Variants in BPNT2 observed in about 807,000 individuals in gnomAD.
BPNT2 encodes the protein 3'(2'), 5'-bisphosphate nucleotidase 2.
In BPNT2, 11 loss-of-function variants were observed where a neutral mutation model predicts 29.3. The observed-to-expected ratio is 0.38, with a 90% CI of 0.24 to 0.62. The LOEUF is 0.62. BPNT2 is among the 20% of genes least tolerant of loss of function. The probability of loss-of-function intolerance (pLI) is 0.62; values close to 1 mark genes in which losing one functional copy is unlikely to be tolerated. For missense variants in BPNT2, 459 were observed against 473.4 expected (o/e 0.97, Z 0.28); for synonymous variants, 195 against 187.7 (o/e 1.04, Z -0.32).
intron 3 of BPNT2, among the ~76,000 whole-genome samples, chr8:56,975,095 T>C (rs1459551966): frequency 6.6e-6 from 1 of 152,200 alleles, no homozygotes; most frequent in Non-Finnish European, 1.5e-5. Context: ...TTTTTCCTCA[T>C]ACAAAGAATA....
At chr8:56,973,692 G>A (rs944967264) in intron 3 of BPNT2, among the ~76,000 whole-genome samples, 16 of 152,274 alleles carry the variant, frequency 1.1e-4, no homozygotes, top group African/African-American at 3.6e-4. Flanking sequence ...AGGGCTAGAC[G>A]ATGAGAAAGA....
intron 3 of BPNT2, among the ~76,000 whole-genome samples, chr8:56,977,462 T>C (rs1054986350): frequency 1.7e-4 from 26 of 152,178 alleles, no homozygotes; most frequent in African/African-American, 6.3e-4. Context: ...AACACTCTAA[T>C]TGGCTTAAGA....
intron 1 of BPNT2, among the ~76,000 whole-genome samples, chr8:56,991,913 A>G (rs1806422293): frequency 6.6e-6 from 1 of 152,184 alleles, no homozygotes. Flanking sequence ...TGATAAAAAC[A>G]GAGTAGGGAA....
At chr8:56,981,382 T>C (rs1171110993) in intron 1 of BPNT2, among the ~76,000 whole-genome samples, 1 of 152,138 alleles carries the variant, frequency 6.6e-6, no homozygotes, top group Non-Finnish European at 1.5e-5. Flanking sequence ...CTGGCCGACA[T>C]GGTAAAACCC....
intron 3 of BPNT2, among the ~76,000 whole-genome samples, chr8:56,967,501 G>A (rs1442474347): frequency 6.6e-6 from 1 of 152,166 alleles, no homozygotes; most frequent in Non-Finnish European, 1.5e-5. Flanking sequence ...GAGCTTCACA[G>A]AGGAGTTAAG....
At chr8:56,982,001 G>T (rs984594333) in intron 1 of BPNT2, among the ~76,000 whole-genome samples, 2 of 152,054 alleles carry the variant, frequency 1.3e-5, no homozygotes, top group Non-Finnish European at 2.9e-5. Flanking sequence ...ACACAGACAT[G>T]ATTTTAAAAA....
intron 3 of BPNT2, among the ~76,000 whole-genome samples, chr8:56,970,427 GA>G (rs1367480014): frequency 6.6e-6 from 1 of 152,142 alleles, no homozygotes; most frequent in Non-Finnish European, 1.5e-5. Context: ...AAGTCCAAAA[GA>G]CAGACCATTC....
intron 4 of BPNT2, 51 bp from the exon 5 acceptor site, chr8:56,964,115 GTA>G: frequency 7.4e-7 from 1 of 1,357,560 alleles, no homozygotes; most frequent in African/African-American, 1.4e-5. Context: ...TTTTAAGAAA[GTA>G]GCATACTTTT....
intron 3 of BPNT2, among the ~76,000 whole-genome samples, chr8:56,977,184 A>C (rs999364817): frequency 7.9e-5 from 12 of 152,218 alleles, no homozygotes; most frequent in Non-Finnish European, 2.9e-5. Flanking sequence ...AACGTTTCAG[A>C]TAATGGATAC....
chr8:56,970,040 T>C (rs1261217732), intron 3 of BPNT2, among the ~76,000 whole-genome samples: 2 of 152,218 alleles, frequency 1.3e-5, no homozygotes, highest in Non-Finnish European at 2.9e-5. Flanking sequence ...TGCTAATATA[T>C]GTAGAAACAA....
intron 2 of BPNT2, among the ~76,000 whole-genome samples, chr8:56,979,426 C>A (rs1251627171): frequency 6.6e-6 from 1 of 152,138 alleles, no homozygotes; most frequent in Non-Finnish European, 1.5e-5. Flanking sequence ...AAGTTCTGTG[C>A]TGTAATTTTA....
chr8:56,977,410 T>C (rs373169789), intron 3 of BPNT2, among the ~76,000 whole-genome samples: 10 of 152,134 alleles, frequency 6.6e-5, no homozygotes, highest in East Asian at 5.8e-4. Flanking sequence ...CTTCACATCA[T>C]CTTATCCCAC....
At position 56,960,219 on chromosome 8, in the gene BPNT2, T is replaced by C. The variant is rs1805809263; in HGVS notation, c.*3574A>G. On this transcript the variant is annotated 3_prime_UTR_variant, in exon 5 of 5. Coordinates refer to ENST00000262644, the MANE Select transcript of BPNT2 (RefSeq NM_017813.5). ...TCGGCACTCCACCTTTCTTTACTTA[T>C]GCTCAGCTATCAGAGATGGCTGTCA... 1 of 152,208 alleles carries C rather than the reference T, an allele frequency of 6.6e-6. No individual in the cohort carries two copies. The allele number at this position is 152,208 out of a possible 1,614,324, so 9.4% of individuals were successfully genotyped here. A position where few individuals can be genotyped will look rare whatever the true frequency, so the allele number is the denominator to read the frequency against.
At chr8:56,964,286 T>C (rs999083142) in intron 4 of BPNT2, 31 of 433,718 alleles carry the variant, frequency 7.1e-5, no homozygotes, top group Non-Finnish European at 1.1e-4. Flanking sequence ...AAGTAACTTA[T>C]TGTTTATTTT....
At chr8:56,979,392 A>G (rs1289942150) in intron 2 of BPNT2, among the ~76,000 whole-genome samples, 2 of 152,216 alleles carry the variant, frequency 1.3e-5, no homozygotes, top group Non-Finnish European at 2.9e-5. Flanking sequence ...TCGATATTCC[A>G]TATTTCTATT....
In BPNT2 at chr8:56,993,261, C is replaced by A; in HGVS notation, c.325G>T (p.Gly109Cys). 6.2e-7 allele frequency: 1 copy of A among 1,610,012 alleles called. No individual in the cohort carries two copies. Among genetic ancestry groups the A allele is most frequent in the Non-Finnish European group, 8.5e-7 (1 of 1,179,898 alleles). Residue 109 changes from glycine to cysteine, a missense_variant, in exon 1 of 5, where the codon GGC (glycine) becomes TGC (cysteine). Coordinates refer to ENST00000262644, the MANE Select transcript of BPNT2 (RefSeq NM_017813.5). The part of the protein sequence containing the change: ...REGAEDKMTS[G>C]DVLSNRKMFY... ...ATCTTGCGGTTGGACAGCACGTCGC[C>A]GCTGGTCATCTTGTCCTCGGCTCCC... is the stretch of plus-strand genomic sequence containing the variant.
chr8:56,962,387 T>A lies in BPNT2; in HGVS notation c.*1406A>T, dbSNP rs1027060835. The A allele has an allele frequency of 2.0e-5, 3 of 152,234 alleles. No individual in the cohort carries two copies. The highest frequency in any genetic ancestry group is 4.4e-5 in the Non-Finnish European group (3 of 68,042). 9.4% of individuals were successfully genotyped at this position (152,234 alleles called of 1,614,324 possible). On this transcript the variant is annotated 3_prime_UTR_variant, in exon 5 of 5. Transcript: ENST00000262644. ...GGAAAATAAAGGGTAAGCTGCTTTATGGTTAAAAAATTTAGCAAAGAAAGA... is the reference window on the plus strand; with the variant it reads ...GGAAAATAAAGGGTAAGCTGCTTTAAGGTTAAAAAATTTAGCAAAGAAAGA...
chr8:56,993,648 G>A lies in BPNT2; in HGVS notation c.-63C>T, dbSNP rs1421814759. On this transcript the variant is annotated 5_prime_UTR_variant, in exon 1 of 5. Coordinates refer to ENST00000262644, the MANE Select transcript of BPNT2 (RefSeq NM_017813.5). The stretch of plus-strand genomic sequence containing the variant: ...CAGGCCTCCAGCGCCCGCCGCCGCC[G>A]CCGCCGCAGCCGCCGCGCTCCGGGC... The A allele has an allele frequency of 2.9e-5, 34 of 1,186,288 alleles. No homozygotes were observed. Among genetic ancestry groups the A allele is most frequent in the Non-Finnish European group, 3.4e-5 (33 of 961,354 alleles). 73.5% of individuals were successfully genotyped at this position (1,186,288 alleles called of 1,614,324 possible).
chr8:56,978,812 ATGT>A (rs1420850811), intron 2 of BPNT2, among the ~76,000 whole-genome samples: 1 of 152,196 alleles, frequency 6.6e-6, no homozygotes, highest in Non-Finnish European at 1.5e-5. Flanking sequence ...CAAATACCAC[ATGT>A]TCTCTAAGTG....
Sources: allele counts gnomAD v4.1 joint callset (sites outside exome capture counted in the v4.1 genomes callset), GRCh38; gene constraint gnomAD v4.1.1; transcripts MANE v1.5; gene names NCBI Gene and HGNC (gene_info 2026-07-23, HGNC 2026-07-21).